The following BANP variants were observed in gnomAD, a reference collection of about 807,000 sequenced individuals.
BANP encodes protein BANP.
In BANP, 11 loss-of-function variants were observed where a neutral mutation model predicts 68.1. The ratio of observed to expected loss-of-function variants is 0.16; its 90% CI spans 0.10 to 0.27. The LOEUF (loss-of-function observed/expected upper bound fraction) is 0.27. BANP is among the 10% of genes least tolerant of loss of function. BANP has a pLI of 1.00. For synonymous variants in BANP, 329 were observed against 303.2 expected (o/e 1.09, Z -0.88); for missense variants, 504 against 722.7 (o/e 0.70, Z 3.47).
chr16:88,027,164 G>A (rs1306135314), intron 7 of BANP, among the ~76,000 whole-genome samples: 1 of 152,248 alleles, frequency 6.6e-6, no homozygotes, highest in Admixed American at 6.5e-5. Flanking sequence ...TGGAAGGTCT[G>A]GGAATCTTGT....
chr16:87,983,609 AG>A (rs2063722382), intron 3 of BANP, among the ~76,000 whole-genome samples: 1 of 152,004 alleles, frequency 6.6e-6, no homozygotes, highest in African/African-American at 2.4e-5. Context: ...TCAGGGCCAC[AG>A]GGGGTCCCGT....
intron 1 of BANP, among the ~76,000 whole-genome samples, chr16:87,955,352 G>T (rs1239616990): frequency 6.6e-6 from 1 of 152,212 alleles, no homozygotes; most frequent in Non-Finnish European, 1.5e-5. Flanking sequence ...GAATCAGACT[G>T]CAGCTTGGTC....
intron 11 of BANP, among the ~76,000 whole-genome samples, chr16:88,047,451 G>T (rs893595835): frequency 6.6e-6 from 1 of 152,218 alleles, no homozygotes; most frequent in Admixed American, 6.5e-5. Context: ...CCCCCTGCTT[G>T]GGTGTGCATC....
intron 6 of BANP, among the ~76,000 whole-genome samples, chr16:88,015,447 G>A (rs1168368198): frequency 2.0e-5 from 3 of 152,208 alleles, no homozygotes; most frequent in African/African-American, 7.2e-5. Flanking sequence ...ACCCTCTCCT[G>A]TCCCTCGTCT....
intron 11 of BANP, among the ~76,000 whole-genome samples, chr16:88,061,622 G>A (rs1357081942): frequency 6.6e-6 from 1 of 152,108 alleles, no homozygotes; most frequent in Non-Finnish European, 1.5e-5. Flanking sequence ...GGCCAGTTGG[G>A]GGCATCACTG....
At chr16:87,952,973 T>C (rs749640497) in intron 1 of BANP, among the ~76,000 whole-genome samples, 47 of 152,160 alleles carry the variant, frequency 3.1e-4, no homozygotes, top group Non-Finnish European at 5.0e-4. Flanking sequence ...TTTCGCCTTG[T>C]TGTCCAGCCT....
At chr16:87,997,509 G>A (rs1306505402) in intron 4 of BANP, among the ~76,000 whole-genome samples, 2 of 152,122 alleles carry the variant, frequency 1.3e-5, no homozygotes, top group African/African-American at 4.8e-5. Context: ...GGATGGCTGG[G>A]AGTGAGACCA....
At chr16:87,959,765 G>A (rs2058767044) in intron 1 of BANP, 1 of 152,662 alleles carries the variant, frequency 6.6e-6, no homozygotes, top group African/African-American at 2.4e-5. Context: ...TCCCGGGTGA[G>A]GGGGTGGGCT....
chr16:88,028,387 T>C (rs2077424621), intron 8 of BANP, among the ~76,000 whole-genome samples: 1 of 152,072 alleles, frequency 6.6e-6, no homozygotes, highest in Non-Finnish European at 1.5e-5. Flanking sequence ...GTCCTGGGAG[T>C]TGCAGACCAG....
At chr16:87,983,445 G>A (rs369438860) in intron 3 of BANP, among the ~76,000 whole-genome samples, 37 of 152,268 alleles carry the variant, frequency 2.4e-4, no homozygotes, top group African/African-American at 8.7e-4. Flanking sequence ...TTGGGTTTGG[G>A]GTCCGGCACG....
chr16:87,998,043 T>C (rs2067779621), intron 4 of BANP, among the ~76,000 whole-genome samples: 1 of 152,216 alleles, frequency 6.6e-6, no homozygotes, highest in South Asian at 2.1e-4. Flanking sequence ...CAGTCTTTGC[T>C]TTCGGCACGC....
chr16:87,960,785 C>T (rs1048168757), intron 1 of BANP, among the ~76,000 whole-genome samples: 6 of 152,302 alleles, frequency 3.9e-5, no homozygotes, highest in African/African-American at 1.4e-4. Flanking sequence ...TTTCATGGAA[C>T]ACTATAAAAA....
At chr16:88,019,280 T>C (rs1299362066) in intron 7 of BANP, among the ~76,000 whole-genome samples, 1 of 152,182 alleles carries the variant, frequency 6.6e-6, no homozygotes, top group Non-Finnish European at 1.5e-5. Flanking sequence ...CAGGTCCTCC[T>C]TGCCAGCGTC....
At chr16:88,060,229 C>T (rs1798270884) in intron 11 of BANP, among the ~76,000 whole-genome samples, 1 of 152,256 alleles carries the variant, frequency 6.6e-6, no homozygotes, top group African/African-American at 2.4e-5. Context: ...GAGGTGTGTG[C>T]AGAGACCGCC....
intron 1 of BANP, among the ~76,000 whole-genome samples, chr16:87,965,570 C>T (rs550900616): frequency 2.2e-5 from 3 of 138,870 alleles, no homozygotes; most frequent in South Asian, 2.4e-4. Flanking sequence ...AAGCCCGAGG[C>T]GCAGAGGGTC....
rs572352552 is a variant in BANP, at chr16:88,065,118, G to A, written c.1312-149G>A. 3.3e-5 allele frequency: 17 copies of A among 508,978 alleles called. No homozygotes were observed. The East Asian group carries it at 3.6e-4, about 11-fold the overall frequency. 31.5% of individuals were successfully genotyped at this position (508,978 alleles called of 1,614,324 possible). On this transcript the variant is annotated intron_variant, in intron 11 of 13. Coordinates refer to ENST00000682872, the MANE Select transcript of BANP (RefSeq NM_001386991.1). ...GAGCCCTTTGGGGACCTGGCTGGAGGCTCCTGTGGCTGCCATAACAAACGA... is the reference window on the plus strand; with the variant it reads ...GAGCCCTTTGGGGACCTGGCTGGAGACTCCTGTGGCTGCCATAACAAACGA...
intron 11 of BANP, among the ~76,000 whole-genome samples, chr16:88,042,476 C>T (rs2081069697): frequency 1.3e-5 from 2 of 152,336 alleles, no homozygotes; most frequent in South Asian, 4.1e-4. Context: ...GACCAGTTTC[C>T]ACTCCAGTGC....
rs1234303284 is a variant in BANP, at chr16:88,018,742, C to G, written c.895+75C>G. The G allele has an allele frequency of 6.5e-5, 97 of 1,484,728 alleles. 1 individual carries two copies. In the South Asian group the frequency reaches 1.3e-3, roughly 19 times the overall value. 92.0% of individuals were successfully genotyped at this position (1,484,728 alleles called of 1,614,324 possible). ...AGGACCCACATTTCAATGCTGAGGA[C>G]GCTGGCATCAGTAGCACCGGCACGG... is the stretch of plus-strand genomic sequence containing the variant. On this transcript the variant is annotated intron_variant, in intron 7 of 13. Transcript: ENST00000682872. This position sits in a 1 kb window ranked among gnomAD's most constrained non-coding sequence, Gnocchi z 7.7.
intron 6 of BANP, among the ~76,000 whole-genome samples, chr16:88,011,788 T>C (rs551540173): frequency 2.0e-5 from 3 of 152,162 alleles, no homozygotes; most frequent in Non-Finnish European, 4.4e-5. Context: ...GTGCACTTTT[T>C]GCTGTTCAGG....
Sources: gnomAD v4.1 joint callset for allele counts (sites outside exome capture counted in the v4.1 genomes callset) on GRCh38, gnomAD v4.1.1 for gene constraint, Gnocchi (gnomAD v3.1) non-coding constraint, MANE v1.5 for transcripts, NCBI Gene and HGNC (gene_info 2026-07-23, HGNC 2026-07-21) for gene names.